MCTP1: variants seen among roughly 807,000 people sequenced by gnomAD.
MCTP1 encodes multiple C2 and transmembrane domain-containing protein 1.
A neutral mutation model predicts 120.6 loss-of-function variants in MCTP1; 69 were observed. That is an observed-to-expected ratio of 0.57 (90% confidence interval 0.47 to 0.70). MCTP1 has a LOEUF of 0.70. Among genes scored for constraint, MCTP1 ranks in the 30% least tolerant of loss-of-function variants. The probability of loss-of-function intolerance (pLI) is 0.00; values close to 1 mark genes in which losing one functional copy is unlikely to be tolerated. For synonymous variants in MCTP1, 529 were observed against 493.1 expected (o/e 1.07, Z -0.96); for missense variants, 1,203 against 1,248.8 (o/e 0.96, Z 0.55).
chr5:94,723,369 G>A (rs1041711947), intron 19 of MCTP1, among the ~76,000 whole-genome samples: 2 of 152,088 alleles, frequency 1.3e-5, no homozygotes, highest in African/African-American at 4.8e-5. Flanking sequence ...AAACATTTTG[G>A]CTTATGTTAA....
chr5:94,985,502 T>C (rs1323638842), intron 2 of MCTP1, among the ~76,000 whole-genome samples: 1 of 152,148 alleles, frequency 6.6e-6, no homozygotes, highest in Non-Finnish European at 1.5e-5. Context: ...ACTGCCACCA[T>C]TAAATTATCA....
chr5:95,198,154 C>T (rs1343103794), intron 1 of MCTP1, among the ~76,000 whole-genome samples: 1 of 151,818 alleles, frequency 6.6e-6, no homozygotes, highest in Non-Finnish European at 1.5e-5. Flanking sequence ...TATATGCACA[C>T]ACACATAAAT....
intron 1 of MCTP1, among the ~76,000 whole-genome samples, chr5:95,096,516 G>A (rs535796885): frequency 8.5e-5 from 13 of 152,188 alleles, no homozygotes; most frequent in African/African-American, 3.1e-4. Flanking sequence ...AAATGGGAAG[G>A]GATAGAGTGC....
chr5:94,828,630 C>G (rs1469459033), intron 17 of MCTP1, among the ~76,000 whole-genome samples: 1 of 152,218 alleles, frequency 6.6e-6, no homozygotes, highest in Non-Finnish European at 1.5e-5. Flanking sequence ...GGGCTGGTGC[C>G]TTTCTTTCAA....
intron 19 of MCTP1, among the ~76,000 whole-genome samples, chr5:94,716,982 G>C (rs1359849407): frequency 6.6e-6 from 1 of 152,098 alleles, no homozygotes; most frequent in Non-Finnish European, 1.5e-5. Flanking sequence ...ATATGATAAG[G>C]TGCCATGCAC....
At chr5:95,027,229 G>A (rs11951661) in intron 1 of MCTP1, among the ~76,000 whole-genome samples, 6,581 of 152,238 alleles carry the variant, frequency 0.043, 261 homozygotes, top group African/African-American at 0.11. Context: ...TATGTCAGCC[G>A]TGGTGTCTAA....
intron 1 of MCTP1, among the ~76,000 whole-genome samples, chr5:95,108,583 C>T (rs1757256694): frequency 6.6e-6 from 1 of 152,196 alleles, no homozygotes; most frequent in Non-Finnish European, 1.5e-5. Flanking sequence ...CACCCCTGCA[C>T]CCTTCAAGTC....
chr5:95,284,026 C>T lies in MCTP1; in HGVS notation c.550G>A (p.Ala184Thr). 6.7e-7 allele frequency: 1 copy of T among 1,502,910 alleles called. No individual in the cohort carries two copies. The allele number at this position is 1,502,910 out of a possible 1,614,324, so 93.1% of individuals were successfully genotyped here. Residue 184 changes from alanine (A) to threonine (T), a missense_variant, in exon 1 of 23, where the codon GCA becomes ACA. Coordinates refer to ENST00000515393, the MANE Select transcript of MCTP1 (RefSeq NM_024717.7). This position sits in a 1 kb window ranked among gnomAD's most constrained non-coding sequence, Gnocchi z 5.2. ...PRGDRARDEGARRQGPGAHLC... is the reference protein window; with the variant it reads ...PRGDRARDEGTRRQGPGAHLC... ...TGCGCCCCGGGGCCCTGACGCCGTG[C>T]ACCCTCATCTCGGGCGCGGTCCCCC...
At chr5:95,119,883 C>T (rs1758077826) in intron 1 of MCTP1, among the ~76,000 whole-genome samples, 1 of 152,042 alleles carries the variant, frequency 6.6e-6, no homozygotes, top group African/African-American at 2.4e-5. Context: ...TAGAAAGAGT[C>T]TCCCAGCAGC....
chr5:94,752,973 G>A (rs1477761248), intron 19 of MCTP1, among the ~76,000 whole-genome samples: 2 of 152,206 alleles, frequency 1.3e-5, no homozygotes, highest in East Asian at 1.9e-4. Context: ...TCCAAGTTTT[G>A]AAGTTTAGCA....
intron 19 of MCTP1, among the ~76,000 whole-genome samples, chr5:94,751,379 G>C (rs1251990452): frequency 6.6e-6 from 1 of 151,420 alleles, no homozygotes; most frequent in Admixed American, 6.6e-5. Flanking sequence ...ATATGAGATA[G>C]TGTATGAGAG....
At chr5:94,807,487 A>G (rs1260792539) in intron 17 of MCTP1, among the ~76,000 whole-genome samples, 2 of 152,362 alleles carry the variant, frequency 1.3e-5, no homozygotes, top group East Asian at 3.9e-4. Flanking sequence ...TCTGAATTAC[A>G]AACTTGATTG....
chr5:94,810,387 CT>C (rs1783157238), intron 17 of MCTP1, among the ~76,000 whole-genome samples: 1 of 152,104 alleles, frequency 6.6e-6, no homozygotes, highest in African/African-American at 2.4e-5. Flanking sequence ...TTTCCCTAAG[CT>C]TGAAATCTGG....
intron 1 of MCTP1, among the ~76,000 whole-genome samples, chr5:95,245,154 C>G (rs1419365846): frequency 1.3e-5 from 2 of 152,086 alleles, no homozygotes; most frequent in African/African-American, 4.8e-5. Context: ...ACACCAAAAC[C>G]CCATCTGTAG....
At chr5:94,972,725 C>G (rs79350285) in intron 2 of MCTP1, among the ~76,000 whole-genome samples, 3,372 of 152,196 alleles carry the variant, frequency 0.022, 118 homozygotes, top group African/African-American at 0.074. Flanking sequence ...TAAGAAACAA[C>G]TTTTCAAATA....
chr5:95,217,094 G>A (rs1355297186), intron 1 of MCTP1, among the ~76,000 whole-genome samples: 1 of 152,140 alleles, frequency 6.6e-6, no homozygotes, highest in Non-Finnish European at 1.5e-5. Flanking sequence ...TCACTTCTCA[G>A]TAAGATTACA....
intron 11 of MCTP1, among the ~76,000 whole-genome samples, chr5:94,892,260 T>C (rs1422720134): frequency 6.6e-6 from 1 of 152,204 alleles, no homozygotes; most frequent in Non-Finnish European, 1.5e-5. Context: ...ATGCTCTAAA[T>C]AACATTTCAA....
At chr5:94,922,129 G>A (rs1256769558) in intron 7 of MCTP1, among the ~76,000 whole-genome samples, 2 of 152,092 alleles carry the variant, frequency 1.3e-5, no homozygotes, top group East Asian at 3.9e-4. Flanking sequence ...ATTGTCATAG[G>A]CCCAGAGAAG....
At chr5:95,134,691 T>C (rs927633901) in intron 1 of MCTP1, among the ~76,000 whole-genome samples, 1 of 152,144 alleles carries the variant, frequency 6.6e-6, no homozygotes, top group African/African-American at 2.4e-5. Context: ...TAAAGTGCCC[T>C]TGAAAGCTCT....
Sources: allele counts gnomAD v4.1 joint callset (sites outside exome capture counted in the v4.1 genomes callset), GRCh38; gene constraint gnomAD v4.1.1; non-coding constraint Gnocchi (gnomAD v3.1); transcripts MANE v1.5; gene names NCBI Gene and HGNC (gene_info 2026-07-23, HGNC 2026-07-21).